STK3: variants seen among roughly 807,000 people sequenced by gnomAD.
The protein encoded by STK3 is serine/threonine-protein kinase 3.
A neutral mutation model predicts 58.0 loss-of-function variants in STK3; 41 were observed. The observed-to-expected ratio is 0.71, with a 90% CI of 0.55 to 0.92. The LOEUF is 0.92. Ranked by LOEUF, STK3 falls within the 40% of genes least tolerant of loss-of-function variation. The pLI is 0.00. For missense variants in STK3, 479 were observed against 602.7 expected, an observed-to-expected ratio of 0.79 and a Z score of 2.15; for synonymous variants, 170 against 191.0, an observed-to-expected ratio of 0.89 and a Z score of 0.91.
At chr8:98,702,548 T>G (rs1198832684) in intron 6 of STK3, among the ~76,000 whole-genome samples, 1 of 152,172 alleles carries the variant, frequency 6.6e-6, no homozygotes, top group African/African-American at 2.4e-5. Flanking sequence ...TTGCCCCTAA[T>G]TTTTGCTGGC....
intron 6 of STK3, among the ~76,000 whole-genome samples, chr8:98,699,395 T>C (rs1028423786): frequency 2.6e-5 from 4 of 152,256 alleles, no homozygotes; most frequent in African/African-American, 9.6e-5. Flanking sequence ...CTTTGTTCCA[T>C]TGCTGGTGAG....
At chr8:98,915,451 T>C (rs968648407) in intron 1 of STK3, among the ~76,000 whole-genome samples, 1 of 54,124 alleles carries the variant, frequency 1.8e-5, no homozygotes, top group African/African-American at 3.6e-5. Context: ...TATATATATA[T>C]ATATATATAT....
intron 6 of STK3, among the ~76,000 whole-genome samples, chr8:98,690,096 T>C (rs1824290552): frequency 6.6e-6 from 1 of 152,126 alleles, no homozygotes; most frequent in South Asian, 2.1e-4. Context: ...TCATACTGAA[T>C]GGGCAAAAGC....
At chr8:98,387,064 CCTAA>C (rs1341732649) in intron 1 of STK3, among the ~76,000 whole-genome samples, 3 of 151,020 alleles carry the variant, frequency 2.0e-5, no homozygotes, top group Non-Finnish European at 4.4e-5. Context: ...ATAAAACAAG[CCTAA>C]CTGTGTATCA....
At chr8:98,611,359 A>T (rs1362917788) in intron 6 of STK3, among the ~76,000 whole-genome samples, 1 of 152,136 alleles carries the variant, frequency 6.6e-6, no homozygotes, top group East Asian at 1.9e-4. Context: ...AGACACACAG[A>T]CATATATACA....
intron 3 of STK3, among the ~76,000 whole-genome samples, chr8:98,850,782 TG>T (rs1269091603): frequency 1.3e-5 from 2 of 152,232 alleles, no homozygotes; most frequent in East Asian, 3.9e-4. Context: ...CCTGTGTGCC[TG>T]GGGGTTCAGA....
chr8:98,366,992 C>T (rs377327122), downstream of STK3, among the ~76,000 whole-genome samples: 9 of 152,212 alleles, frequency 5.9e-5, no homozygotes, highest in Admixed American at 2.0e-4. Context: ...GAGTAACTTT[C>T]CCATGTCACA....
intron 1 of STK3, among the ~76,000 whole-genome samples, chr8:98,913,047 A>G (rs1359201638): frequency 6.6e-6 from 1 of 152,178 alleles, no homozygotes; most frequent in Non-Finnish European, 1.5e-5. Flanking sequence ...ATCTGGGATT[A>G]CAGGCGTGAG....
intron 4 of STK3, chr8:98,721,128 T>TA: frequency 1.6e-5 from 16 of 985,244 alleles, no homozygotes; most frequent in East Asian, 2.3e-4. Context: ...TGGGTGGCTT[T>TA]ATGAGCATTT....
intron 6 of STK3, among the ~76,000 whole-genome samples, chr8:98,596,994 G>T (rs1485320959): frequency 6.6e-6 from 1 of 152,064 alleles, no homozygotes; most frequent in Non-Finnish European, 1.5e-5. Context: ...AACTAGAATA[G>T]TATCTACAGG....
At chr8:98,606,929 G>A (rs1035511427) in intron 6 of STK3, among the ~76,000 whole-genome samples, 1 of 152,226 alleles carries the variant, frequency 6.6e-6, no homozygotes, top group African/African-American at 2.4e-5. Flanking sequence ...TAACCATTTA[G>A]TCAGAAGTAT....
At chr8:98,838,191 C>G (rs1352827419) in intron 3 of STK3, among the ~76,000 whole-genome samples, 1 of 151,890 alleles carries the variant, frequency 6.6e-6, no homozygotes. Flanking sequence ...TGCAGTGGGC[C>G]AAGATCATGC....
chr8:98,623,892 TG>T lies in STK3; in HGVS notation c.685-27724del, dbSNP rs1277680916. 3.3e-5 allele frequency among the ~76,000 whole-genome samples: 5 copies of T among 152,230 alleles called. No homozygotes were observed. In the East Asian group the frequency reaches 7.7e-4, roughly 23 times the overall value. On this transcript the variant is annotated intron_variant, in intron 6 of 10. Transcript: ENST00000419617. Reference sequence around the variant, plus strand: ...ACCAGACCTGCCAACACCTTGATCTTGGAAGTCCAGACTCCAGAACTGTAAG... The same window carrying T: ...ACCAGACCTGCCAACACCTTGATCTTGAAGTCCAGACTCCAGAACTGTAAG...
chr8:98,588,254 T>G lies in STK3; in HGVS notation c.822+7778A>C, dbSNP rs571665232. 8.7e-3 allele frequency among the ~76,000 whole-genome samples: 1,314 copies of G among 151,728 alleles called. 15 individuals carry two copies. The highest frequency in any genetic ancestry group is 0.027 in the African/African-American group (1,122 of 41,046). ...GCTGGTGCCGGTTGTTCCTTTCCAT[T>G]TTTAGCGCTTCCTTCAGGAGCTCTT... is the stretch of plus-strand genomic sequence containing the variant. On this transcript the variant is annotated intron_variant, in intron 7 of 10. Transcript: ENST00000419617.
At chr8:98,504,629 T>C (rs1823903913) in intron 10 of STK3, among the ~76,000 whole-genome samples, 1 of 152,230 alleles carries the variant, frequency 6.6e-6, no homozygotes, top group South Asian at 2.1e-4. Context: ...TAATGGATTT[T>C]ATTTCTCCTT....
intron 3 of STK3, among the ~76,000 whole-genome samples, chr8:98,757,775 G>C (rs1002213932): frequency 1.3e-5 from 2 of 151,892 alleles, no homozygotes; most frequent in Non-Finnish European, 2.9e-5. Context: ...GCAGAAGCTA[G>C]GGAGAAAAAT....
intron 10 of STK3, among the ~76,000 whole-genome samples, chr8:98,460,475 C>G (rs184828712): frequency 2.6e-5 from 4 of 152,082 alleles, no homozygotes; most frequent in African/African-American, 9.7e-5. Flanking sequence ...TGAGTTAACA[C>G]GTTGGGGAAC....
At chr8:98,799,957 G>A (rs1289476993) in intron 1 of STK3, among the ~76,000 whole-genome samples, 1 of 152,218 alleles carries the variant, frequency 6.6e-6, no homozygotes, top group Admixed American at 6.5e-5. Flanking sequence ...CCTAGGGGAA[G>A]AGTGTTGTTT....
intron 4 of STK3, among the ~76,000 whole-genome samples, chr8:98,724,025 A>C (rs1373964232): frequency 6.6e-6 from 1 of 152,180 alleles, no homozygotes; most frequent in Non-Finnish European, 1.5e-5. Context: ...GAACTGTAGA[A>C]GGTAGGCACT....
Sources: gnomAD v4.1 joint callset for allele counts (sites outside exome capture counted in the v4.1 genomes callset) on GRCh38, gnomAD v4.1.1 for gene constraint, MANE v1.5 for transcripts, NCBI Gene and HGNC (gene_info 2026-07-23, HGNC 2026-07-21) for gene names.